The following TSHZ1 variants were observed in gnomAD, a reference collection of about 807,000 sequenced individuals.
The protein encoded by TSHZ1 is teashirt zinc finger homeobox 1, also known as teashirt homolog 1.
TSHZ1 carries 12 observed loss-of-function variants against 67.1 expected under a neutral mutation model. That is an observed-to-expected ratio of 0.18 (90% CI 0.11 to 0.29). The LOEUF is 0.29. Among genes scored for constraint, TSHZ1 ranks in the 10% least tolerant of loss-of-function variants. TSHZ1 has a pLI of 1.00. For missense variants in TSHZ1, 1,305 were observed against 1,413.9 expected (o/e 0.92, Z 1.23); for synonymous variants, 632 against 622.4 (o/e 1.02, Z -0.23).
At chr18:75,261,197 G>T (rs1380688445) in intron 1 of TSHZ1, among the ~76,000 whole-genome samples, 2 of 152,020 alleles carry the variant, frequency 1.3e-5, no homozygotes, top group Non-Finnish European at 2.9e-5. Context: ...AGGAGAGATG[G>T]GAAAGGGTGG....
At position 75,286,457 on chromosome 18, in the gene TSHZ1, C is replaced by T. The variant is rs776134386; in HGVS notation, c.1050C>T (p.Ser350=). The part of the protein sequence containing the change: ...PVPAITKLVP[S]TKKRALQDLA... ...CAGCCATCACCAAACTGGTCCCCTCCACCAAAAAGCGGGCGCTTCAGGACC... is the reference window on the plus strand; with the variant it reads ...CAGCCATCACCAAACTGGTCCCCTCTACCAAAAAGCGGGCGCTTCAGGACC... Residue 350 remains serine, a synonymous_variant, in exon 2 of 2, where the codon TCC becomes TCT. Transcript: ENST00000580243. This position sits in a 1 kb window ranked among gnomAD's most constrained non-coding sequence, Gnocchi z 5.1. The T allele has an allele frequency of 6.2e-7, 1 of 1,614,200 alleles. No homozygotes were observed. Among genetic ancestry groups the T allele is most frequent in the Non-Finnish European group, 8.5e-7 (1 of 1,180,034 alleles).
At chr18:75,247,782 T>C (rs1005574994) in intron 1 of TSHZ1, among the ~76,000 whole-genome samples, 1 of 152,118 alleles carries the variant, frequency 6.6e-6, no homozygotes, top group Non-Finnish European at 1.5e-5. Context: ...GCTTTGTCCT[T>C]CTTTTGAAGT....
chr18:75,252,915 T>C (rs1463099410), intron 1 of TSHZ1, among the ~76,000 whole-genome samples: 7 of 152,192 alleles, frequency 4.6e-5, no homozygotes, highest in Admixed American at 2.6e-4. Context: ...CAATGAATAC[T>C]TTTTTCTGTT....
chr18:75,228,489 C>T (rs1322410881), intron 1 of TSHZ1, among the ~76,000 whole-genome samples: 5 of 152,216 alleles, frequency 3.3e-5, no homozygotes, highest in African/African-American at 9.7e-5. Context: ...CTCCTAAGTG[C>T]TACAGATAGC....
At chr18:75,258,184 A>G (rs1051105884) in intron 1 of TSHZ1, among the ~76,000 whole-genome samples, 15 of 152,212 alleles carry the variant, frequency 9.9e-5, no homozygotes, top group Admixed American at 2.0e-4. Context: ...GTGCTCCTCC[A>G]CAGCCACCAT....
intron 1 of TSHZ1, among the ~76,000 whole-genome samples, chr18:75,272,126 AG>A (rs2023565602): frequency 6.6e-6 from 1 of 152,204 alleles, no homozygotes; most frequent in South Asian, 2.1e-4. Context: ...CAGAGAGGGG[AG>A]GGGGCATAGA....
intron 1 of TSHZ1, among the ~76,000 whole-genome samples, chr18:75,276,514 C>G (rs2023615160): frequency 6.6e-6 from 1 of 152,198 alleles, no homozygotes; most frequent in Non-Finnish European, 1.5e-5. Context: ...ACCACCTGCT[C>G]TCTCCATAAC....
chr18:75,213,908 C>T (rs970842421), intron 1 of TSHZ1, among the ~76,000 whole-genome samples: 3 of 152,132 alleles, frequency 2.0e-5, no homozygotes, highest in Admixed American at 2.0e-4. Context: ...GAGTCATCTG[C>T]TGTACAGGAA....
chr18:75,211,915 A>T lies in TSHZ1; in HGVS notation c.39A>T (p.Ala13=), dbSNP rs1273152548. ...RRKQQAPRRS[A]AYVPEEELKA... ...AGCAGCAGGCCCCCCGGCGCTCGGC[A>T]GGTAACGGGCGCGCGGCCCGCGCCG... The change falls in exon 1 of 2, where the codon GCA becomes GCT. Residue 13 remains alanine (A), a splice_region_variant and synonymous_variant. Coordinates refer to ENST00000580243, the MANE Select transcript of TSHZ1 (RefSeq NM_001308210.2). 1.7e-6 allele frequency: 2 copies of T among 1,197,986 alleles called. No individual in the cohort carries two copies. Among genetic ancestry groups the T allele is most frequent in the African/African-American group, 1.6e-5 (1 of 62,394 alleles). The allele number at this position is 1,197,986 out of a possible 1,614,324, so 74.2% of individuals were successfully genotyped here.
chr18:75,217,900 A>C (rs538869408), intron 1 of TSHZ1, among the ~76,000 whole-genome samples: 1 of 152,314 alleles, frequency 6.6e-6, no homozygotes, highest in South Asian at 2.1e-4. Context: ...AGAACATAAA[A>C]ATTTAAAAAT....
chr18:75,252,315 T>A (rs2023315146), intron 1 of TSHZ1, among the ~76,000 whole-genome samples: 1 of 152,226 alleles, frequency 6.6e-6, no homozygotes, highest in Admixed American at 6.5e-5. Context: ...AATTACCAGG[T>A]CAAAGGTTTT....
intron 1 of TSHZ1, among the ~76,000 whole-genome samples, chr18:75,246,398 T>C (rs924682661): frequency 4.5e-4 from 23 of 51,342 alleles, no homozygotes; most frequent in African/African-American, 1.5e-3. Context: ...GTGTTTTTGG[T>C]TTCTGGTGTG....
At chr18:75,224,076 A>C (rs1217966215) in intron 1 of TSHZ1, among the ~76,000 whole-genome samples, 3 of 151,096 alleles carry the variant, frequency 2.0e-5, no homozygotes. Context: ...AAAAAAAAAA[A>C]AAAAGATCCT....
intron 1 of TSHZ1, among the ~76,000 whole-genome samples, chr18:75,223,483 G>A (rs1363270126): frequency 6.6e-6 from 1 of 152,038 alleles, no homozygotes; most frequent in African/African-American, 2.4e-5. Context: ...ATCCCCTTCT[G>A]TTTTTCAGAC....
chr18:75,268,061 T>G (rs1253201484), intron 1 of TSHZ1, among the ~76,000 whole-genome samples: 3 of 152,254 alleles, frequency 2.0e-5, no homozygotes, highest in Non-Finnish European at 2.9e-5. Flanking sequence ...TCACCAAAGA[T>G]TAAATTATTA....
rs2022812640 is a variant in TSHZ1, at chr18:75,219,183, T to A, written c.40+7267T>A. On this transcript the variant is annotated intron_variant, in intron 1 of 1. Coordinates refer to ENST00000580243, the MANE Select transcript of TSHZ1 (RefSeq NM_001308210.2). The stretch of plus-strand genomic sequence containing the variant: ...GAAGAGAATGCTAAAGGAAATAATT[T>A]GATCTAAGGGATCAGGGTTGTAAAA... Among the ~76,000 whole-genome samples, 3 of 152,226 alleles carry A rather than the reference T, an allele frequency of 2.0e-5. No individual in the cohort carries two copies. In the South Asian group the frequency reaches 6.2e-4, roughly 31 times the overall value.
intron 1 of TSHZ1, among the ~76,000 whole-genome samples, chr18:75,255,910 G>T (rs1020038449): frequency 6.6e-6 from 1 of 152,158 alleles, no homozygotes. Context: ...ACTATTTATT[G>T]CTCACTAAAG....
intron 1 of TSHZ1, among the ~76,000 whole-genome samples, chr18:75,263,798 A>G (rs2023457695): frequency 6.6e-6 from 1 of 152,240 alleles, no homozygotes; most frequent in Non-Finnish European, 1.5e-5. Context: ...ACCTTTTACT[A>G]AGTTTTTGAT....
In TSHZ1 at chr18:75,211,933, C is replaced by T; in HGVS notation, c.40+17C>T. 1.7e-6 allele frequency: 2 copies of T among 1,202,428 alleles called. No homozygotes were observed. Among genetic ancestry groups the T allele is most frequent in the Non-Finnish European group, 2.1e-6 (2 of 969,286 alleles). 74.5% of individuals were successfully genotyped at this position (1,202,428 alleles called of 1,614,324 possible). On this transcript the variant is annotated intron_variant, in intron 1 of 1. Transcript: ENST00000580243. ...GCTCGGCAGGTAACGGGCGCGCGGC[C>T]CGCGCCGCGGGGAGTGGGCGCCGGG...
Sources: gnomAD v4.1 joint callset for allele counts (sites outside exome capture counted in the v4.1 genomes callset) on GRCh38, gnomAD v4.1.1 for gene constraint, Gnocchi (gnomAD v3.1) non-coding constraint, MANE v1.5 for transcripts, NCBI Gene and HGNC (gene_info 2026-07-23, HGNC 2026-07-21) for gene names.